BIRC6: variants seen among roughly 807,000 people sequenced by gnomAD.
BIRC6 encodes baculoviral IAP repeat containing 6.
In BIRC6, 98 loss-of-function variants were observed where a neutral mutation model predicts 503.3. The observed-to-expected ratio is 0.19, with a 90% CI of 0.17 to 0.23. BIRC6 has a LOEUF of 0.23. BIRC6 is among the 10% of genes least tolerant of loss of function. The pLI, the probability that BIRC6 is intolerant of heterozygous loss-of-function variation, is 1.00. For synonymous variants in BIRC6, 2,240 were observed against 2,078.7 expected, an observed-to-expected ratio of 1.08 and a Z score of -2.11; for missense variants, 5,360 against 5,806.0, an observed-to-expected ratio of 0.92 and a Z score of 2.50.
At chr2:32,395,109 C>T (rs889173686) in intron 5 of BIRC6, among the ~76,000 whole-genome samples, 6 of 152,034 alleles carry the variant, frequency 3.9e-5, no homozygotes, top group African/African-American at 1.4e-4. Context: ...GCCGAGATTG[C>T]GCCACTGCAC....
intron 61 of BIRC6, among the ~76,000 whole-genome samples, chr2:32,535,043 ATC>A (rs2057102802): frequency 6.6e-6 from 1 of 150,550 alleles, no homozygotes; most frequent in African/African-American, 2.4e-5. Flanking sequence ...ACTGCAGTGC[ATC>A]TCTGAAATCC....
chr2:32,513,128 A>G lies in BIRC6; in HGVS notation c.10542A>G (p.Pro3514=), dbSNP rs1251226803. 1.9e-6 allele frequency: 3 copies of G among 1,613,730 alleles called. No individual in the cohort carries two copies. The highest frequency in any genetic ancestry group is 2.2e-5 in the South Asian group (2 of 91,066). The change falls in exon 54 of 74, where the codon CCA becomes CCG. Residue 3514 remains proline (P), a synonymous_variant. Transcript: ENST00000421745. The part of the protein sequence containing the change: ...SYELLVEYDL[P]ALLDQELFEL... Reference sequence around the variant, plus strand: ...AGCTGCTTGTAGAATATGACTTACCAGCACTCCTGGACCAAGAGCTCTTTG... The same window carrying G: ...AGCTGCTTGTAGAATATGACTTACCGGCACTCCTGGACCAAGAGCTCTTTG...
At chr2:32,521,365 C>CCA (rs1280532320) in intron 57 of BIRC6, among the ~76,000 whole-genome samples, 8 of 21,508 alleles carry the variant, frequency 3.7e-4, no homozygotes, top group Non-Finnish European at 4.9e-4. Flanking sequence ...GACCTCATCT[C>CCA]AAAAAAAAAA....
rs1292016745 is a variant in BIRC6 at position 32,445,627 on chromosome 2, A to G, written c.4443A>G (p.Leu1481=). The change falls in exon 21 of 74, where the codon TTA becomes TTG. Residue 1481 remains leucine (L), a synonymous_variant. Coordinates refer to ENST00000421745, the MANE Select transcript of BIRC6 (RefSeq NM_016252.4). The part of the protein sequence containing the change: ...ASLLTAVSRQ[L]QDRLTPMEAL... ...TGCTTACTGCAGTGTCCAGACAGTT[A>G]CAGGACAGGCTAACACCAATGGAGG... The G allele has an allele frequency of 3.1e-6, 5 of 1,601,964 alleles. No individual in the cohort carries two copies. The Admixed American group carries it at 5.1e-5, about 16-fold the overall frequency.
intron 61 of BIRC6, 38 bp downstream of exon 61, chr2:32,531,589 A>G (rs2056758148): frequency 2.7e-6 from 4 of 1,493,234 alleles, no homozygotes; most frequent in South Asian, 2.5e-5. Flanking sequence ...ATCATTCCAT[A>G]GCTAAGCCCT....
chr2:32,591,051 T>G (rs1326132351), intron 66 of BIRC6: 1 of 864,572 alleles, frequency 1.2e-6, no homozygotes, highest in Non-Finnish European at 1.4e-6. Flanking sequence ...GAAAAGAGAC[T>G]ACTGGCTATA....
intron 65 of BIRC6, 57 bp from the exon 66 acceptor site, chr2:32,575,099 A>G: frequency 6.4e-7 from 1 of 1,559,252 alleles, no homozygotes; most frequent in Non-Finnish European, 8.8e-7. Flanking sequence ...ATTCCTGTGG[A>G]CCTACTTTTA....
Position 32,439,542 on chromosome 2 carries a change from C to A in BIRC6, c.3666C>A (p.Ile1222=), listed in dbSNP as rs750550683. 28 of 1,613,456 alleles carry A rather than the reference C, an allele frequency of 1.7e-5. No homozygotes were observed. The Admixed American group carries it at 4.5e-4, about 26-fold the overall frequency. The change falls in exon 16 of 74, where the codon ATC becomes ATA. Residue 1222 remains isoleucine (I), a synonymous_variant. Transcript: ENST00000421745. ...GAGGAAAATATCGTTCGTTTTTAAT[C>A]CATGTCAAGGCAGTGAATGAAAGAG... ...MAGGKYRSFL[I]HVKAVNERGT...
intron 65 of BIRC6, among the ~76,000 whole-genome samples, chr2:32,560,606 T>C (rs943426116): frequency 1.3e-5 from 2 of 152,174 alleles, no homozygotes; most frequent in African/African-American, 4.8e-5. Flanking sequence ...TCTTCAGTCA[T>C]AGTCTTCTCT....
chr2:32,415,142 A>G lies in BIRC6; in HGVS notation c.1851A>G (p.Glu617=). The G allele has an allele frequency of 1.9e-6, 3 of 1,614,016 alleles. No homozygotes were observed. The highest frequency in any genetic ancestry group is 1.7e-5 in the Admixed American group (1 of 60,020). ...STDNESCTNS[E]LNSPLVRRTL... ...ACAATGAATCCTGCACTAATTCAGA[A>G]CTAAATTCTCCTCTGGTAAGGAGGA... Residue 617 remains glutamate, a synonymous_variant, in exon 10 of 74, where the codon GAA becomes GAG. Coordinates refer to ENST00000421745, the MANE Select transcript of BIRC6 (RefSeq NM_016252.4).
At chr2:32,440,889 A>G (rs970131158) in intron 16 of BIRC6, among the ~76,000 whole-genome samples, 24 of 151,764 alleles carry the variant, frequency 1.6e-4, no homozygotes, top group Admixed American at 1.4e-3. Flanking sequence ...TAGCCTCCCA[A>G]GTAGTGGGAT....
chr2:32,603,964 G>A (rs563413896), intron 71 of BIRC6, among the ~76,000 whole-genome samples: 3 of 151,686 alleles, frequency 2.0e-5, no homozygotes, highest in South Asian at 4.2e-4. Flanking sequence ...ACTTTAGCTT[G>A]GTATAAGTAA....
Position 32,595,092 on chromosome 2 carries a change from A to T in BIRC6, c.13560A>T (p.Val4520=). Residue 4520 remains valine, a synonymous_variant, in exon 68 of 74, where the codon GTA becomes GTT. Transcript: ENST00000421745. The part of the protein sequence containing the change: ...KAAMKPKPLS[V]LKSLEEKYVA... ...CTATGAAACCCAAACCTTTGTCAGT[A>T]TTAAAGTCACTTGAAGAAAAATATG... 6.2e-7 allele frequency: 1 copy of T among 1,601,738 alleles called. No individual in the cohort carries two copies.
At chr2:32,436,887 T>C (rs1409589864) in intron 15 of BIRC6, among the ~76,000 whole-genome samples, 2 of 808 alleles carry the variant, frequency 2.5e-3, no homozygotes, top group East Asian at 0.14. Flanking sequence ...TTGTTTTTTC[T>C]TTTTTTTTTT....
rs577284790 is a variant in BIRC6 at position 32,520,486 on chromosome 2, T to G, written c.11623+1540T>G. On this transcript the variant is annotated intron_variant, in intron 57 of 73. Transcript: ENST00000421745. ...GTATTTTCTATCAGTTTCCTGAAATTGTCCATTCTACATGATGAAGAAAAA... is the reference window on the plus strand; with the variant it reads ...GTATTTTCTATCAGTTTCCTGAAATGGTCCATTCTACATGATGAAGAAAAA... Among the ~76,000 whole-genome samples the G allele has an allele frequency of 6.6e-5, 10 of 152,310 alleles. 1 individual carries two copies. The Middle Eastern group carries it at 0.031, about 466-fold the overall frequency.
intron 1 of BIRC6, among the ~76,000 whole-genome samples, chr2:32,363,805 G>A (rs2034472462): frequency 6.6e-6 from 1 of 152,206 alleles, no homozygotes; most frequent in Non-Finnish European, 1.5e-5. Context: ...GCCTAACAGT[G>A]CATGACAAAT....
intron 47 of BIRC6, 105 bp from the exon 48 acceptor site, chr2:32,502,690 C>T: frequency 1.3e-6 from 1 of 746,464 alleles, no homozygotes; most frequent in Non-Finnish European, 2.1e-6. Context: ...GTATTTAAGG[C>T]TGTCAGTTTA....
At chr2:32,520,149 A>G (rs758098509) in intron 57 of BIRC6, among the ~76,000 whole-genome samples, 3 of 152,240 alleles carry the variant, frequency 2.0e-5, no homozygotes, top group Non-Finnish European at 2.9e-5. Flanking sequence ...GGAAATGTCT[A>G]TCAGTTAAAA....
intron 21 of BIRC6, among the ~76,000 whole-genome samples, chr2:32,446,745 T>TG (rs2045993475): frequency 7.9e-6 from 1 of 126,300 alleles, no homozygotes; most frequent in Non-Finnish European, 1.7e-5. Flanking sequence ...GCTGTTTTTT[T>TG]TTTTTTTTTT....
Sources: gnomAD v4.1 joint callset for allele counts (sites outside exome capture counted in the v4.1 genomes callset) on GRCh38, gnomAD v4.1.1 for gene constraint, MANE v1.5 for transcripts, NCBI Gene and HGNC (gene_info 2026-07-23, HGNC 2026-07-21) for gene names.